DNAAF4: variants seen among roughly 807,000 people sequenced by gnomAD.
The protein encoded by DNAAF4 is dynein assembly factor 4, axonemal.
In DNAAF4, 43 loss-of-function variants were observed where a neutral mutation model predicts 51.8. The ratio of observed to expected loss-of-function variants is 0.83; its 90% confidence interval spans 0.65 to 1.07. DNAAF4 has a LOEUF of 1.07. Among genes scored for constraint, DNAAF4 ranks in the 50% least tolerant of loss-of-function variants. The pLI, the probability that DNAAF4 is intolerant of heterozygous loss-of-function variation, is 0.00. For synonymous variants in DNAAF4, 194 were observed against 165.6 expected (o/e 1.17, Z -1.32); for missense variants, 581 against 493.0 (o/e 1.18, Z -1.69).
chr15:55,491,238 T>G lies in DNAAF4; in HGVS notation c.290A>C (p.Gln97Pro). ...TAAAATAGATTTTTCTCTAATTCTTTGCATCATCTCTTTGTCAACTAAAAT... is the reference window on the plus strand; with the variant it reads ...TAAAATAGATTTTTCTCTAATTCTTGGCATCATCTCTTTGTCAACTAAAAT... The part of the protein sequence containing the change: ...SVTGVDKEMM[Q>P]RIREKSILQA... The change falls in exon 4 of 10, where the codon CAA becomes CCA. Residue 97 changes from glutamine (Q) to proline (P), a missense_variant. Gln to Pro is a moderately conservative substitution (Grantham distance 76). Transcript: ENST00000321149. 6.2e-7 allele frequency: 1 copy of G among 1,612,946 alleles called. No individual in the cohort carries two copies. The highest frequency in any genetic ancestry group is 1.1e-5 in the South Asian group (1 of 90,898).
Position 55,477,124 on chromosome 15 carries a change from A to G in DNAAF4, c.406-9963T>C, listed in dbSNP as rs575367082. On this transcript the variant is annotated intron_variant, in intron 4 of 9. Coordinates refer to ENST00000321149, the MANE Select transcript of DNAAF4 (RefSeq NM_130810.4). Reference sequence around the variant, plus strand: ...GAGGCAGAGGTTGCAGTGAGCTGAGATCACGCCACTGTACTCCAGCCTGGG... The same window carrying G: ...GAGGCAGAGGTTGCAGTGAGCTGAGGTCACGCCACTGTACTCCAGCCTGGG... Among the ~76,000 whole-genome samples, 19 of 152,218 alleles carry G rather than the reference A, an allele frequency of 1.2e-4. No homozygotes were observed. The South Asian group carries it at 3.9e-3, about 32-fold the overall frequency.
intron 6 of DNAAF4, among the ~76,000 whole-genome samples, chr15:55,448,160 T>C (rs955673923): frequency 1.3e-5 from 2 of 152,172 alleles, no homozygotes; most frequent in African/African-American, 2.4e-5. Context: ...CTGCATCTGG[T>C]GAGATAATCA....
At chr15:55,499,635 C>A (rs1393577528) in intron 1 of DNAAF4, among the ~76,000 whole-genome samples, 1 of 152,200 alleles carries the variant, frequency 6.6e-6, no homozygotes, top group Non-Finnish European at 1.5e-5. Context: ...CCAAAAGCAC[C>A]TATATAGGTT....
chr15:55,495,280 C>T (rs1420689672), intron 3 of DNAAF4: 1 of 149,536 alleles, frequency 6.7e-6, no homozygotes, highest in African/African-American at 2.5e-5. Context: ...ATTCTCTGAG[C>T]TGAATACCCG....
At chr15:55,445,148 G>C (rs953847248) in intron 6 of DNAAF4, among the ~76,000 whole-genome samples, 8 of 148,988 alleles carry the variant, frequency 5.4e-5, no homozygotes, top group African/African-American at 2.0e-4. Context: ...ATAAACACAT[G>C]AACAAAGGTC....
chr15:55,437,202 T>A (rs377588483), intron 7 of DNAAF4, among the ~76,000 whole-genome samples: 1 of 152,198 alleles, frequency 6.6e-6, no homozygotes, highest in East Asian at 1.9e-4. Flanking sequence ...CTGATTTCTG[T>A]TGTTAAGTGC....
At position 55,491,083 on chromosome 15, in the gene DNAAF4, T is replaced by C. The variant is rs2058565033; in HGVS notation, c.405+40A>G. 2.5e-6 allele frequency: 4 copies of C among 1,612,092 alleles called. No individual in the cohort carries two copies. In the South Asian group the frequency reaches 3.3e-5, roughly 13 times the overall value. On this transcript the variant is annotated intron_variant, in intron 4 of 9. Transcript: ENST00000321149. ...CTCACTATCCTCACATAGTCTACTA[T>C]TATCTCTTTAGAGGACTTGCCTGTC...
At chr15:55,468,791 G>A (rs564316866) in intron 4 of DNAAF4, among the ~76,000 whole-genome samples, 1 of 152,094 alleles carries the variant, frequency 6.6e-6, no homozygotes, top group Non-Finnish European at 1.5e-5. Context: ...AAAATAACAG[G>A]AAAGTTCTGG....
At chr15:55,436,875 C>A (rs981444420) in intron 7 of DNAAF4, among the ~76,000 whole-genome samples, 3 of 151,440 alleles carry the variant, frequency 2.0e-5, no homozygotes. Context: ...GGCTGGAGTG[C>A]AGTGGCACGA....
chr15:55,495,074 A>C (rs547002838), intron 3 of DNAAF4: 10 of 152,154 alleles, frequency 6.6e-5, no homozygotes, highest in Admixed American at 5.9e-4. Context: ...TTAGGTAAGA[A>C]GTCAAAACAG....
At chr15:55,490,475 TA>T (rs1475097214) in intron 4 of DNAAF4, among the ~76,000 whole-genome samples, 1 of 152,192 alleles carries the variant, frequency 6.6e-6, no homozygotes, top group Admixed American at 6.5e-5. Flanking sequence ...CCTTAACAGT[TA>T]AAAAAATTTG....
At chr15:55,436,549 T>A (rs985121538) in intron 7 of DNAAF4, among the ~76,000 whole-genome samples, 1 of 151,886 alleles carries the variant, frequency 6.6e-6, no homozygotes, top group African/African-American at 2.4e-5. Context: ...AATGCCTGAC[T>A]AGTTTTTGTA....
At chr15:55,459,710 CTT>C (rs368607025) in intron 5 of DNAAF4, among the ~76,000 whole-genome samples, 1 of 145,996 alleles carries the variant, frequency 6.8e-6, no homozygotes. Flanking sequence ...TTCTTTCTTT[CTT>C]TTTTTTTTTG....
intron 9 of DNAAF4, 115 bp from the exon 10 acceptor site, chr15:55,430,894 G>T: frequency 1.3e-6 from 1 of 777,510 alleles, no homozygotes; most frequent in Non-Finnish European, 1.9e-6. Context: ...TTCAGAACAA[G>T]TACCAAGTTT....
rs1480769347 is a variant in DNAAF4, at chr15:55,439,348, T to G, written c.893+124A>C. 3 of 741,792 alleles carry G rather than the reference T, an allele frequency of 4.0e-6. No individual in the cohort carries two copies. In the African/African-American group the frequency reaches 5.3e-5, roughly 13 times the overall value. The allele number at this position is 741,792 out of a possible 1,614,324, so 46.0% of individuals were successfully genotyped here. A position where few individuals can be genotyped will look rare whatever the true frequency, so the allele number is the denominator to read the frequency against. The stretch of plus-strand genomic sequence containing the variant: ...TGGTCTCAAACTTCTGGCTTCAAGT[T>G]ATCATCCCACCTCGGCCTCCCAAAG... On this transcript the variant is annotated intron_variant, in intron 7 of 9. Coordinates refer to ENST00000321149, the MANE Select transcript of DNAAF4 (RefSeq NM_130810.4).
At chr15:55,433,586 C>G (rs890883855) in intron 8 of DNAAF4, among the ~76,000 whole-genome samples, 4 of 142,294 alleles carry the variant, frequency 2.8e-5, no homozygotes, top group Non-Finnish European at 6.0e-5. Context: ...AAATTGTGCC[C>G]CTGTACTCCA....
chr15:55,471,556 C>T (rs1189744680), intron 4 of DNAAF4, among the ~76,000 whole-genome samples: 4 of 151,776 alleles, frequency 2.6e-5, no homozygotes, highest in Admixed American at 6.6e-5. Context: ...CTCTGTCGCC[C>T]AGGCTGGAGT....
intron 6 of DNAAF4, among the ~76,000 whole-genome samples, chr15:55,445,032 CTTT>C (rs35988188): frequency 8.3e-4 from 90 of 109,036 alleles, no homozygotes; most frequent in African/African-American, 2.0e-3. Flanking sequence ...ATTGAATACC[CTTT>C]TTTTTTTTTT....
At chr15:55,505,542 T>C (rs1388123235) in intron 1 of DNAAF4, among the ~76,000 whole-genome samples, 2 of 151,978 alleles carry the variant, frequency 1.3e-5, no homozygotes, top group East Asian at 1.9e-4. Context: ...ATAGACTGGA[T>C]AAAGAAAATG....
Sources: allele counts gnomAD v4.1 joint callset (sites outside exome capture counted in the v4.1 genomes callset), GRCh38; gene constraint gnomAD v4.1.1; transcripts MANE v1.5; gene names NCBI Gene and HGNC (gene_info 2026-07-23, HGNC 2026-07-21).